TENM1: variants seen among roughly 807,000 people sequenced by gnomAD.
The protein encoded by TENM1 is teneurin transmembrane protein 1, also known as teneurin-1.
In TENM1, 35 loss-of-function variants were observed where a neutral mutation model predicts 174.8. The ratio of observed to expected loss-of-function variants is 0.20; its 90% CI spans 0.15 to 0.27. The LOEUF is 0.27. Ranked by LOEUF, TENM1 falls within the 10% of genes least tolerant of loss-of-function variation. TENM1 has a pLI of 1.00. For missense variants in TENM1, 1,633 were observed against 2,130.1 expected (o/e 0.77, Z 4.59); for synonymous variants, 781 against 798.7 (o/e 0.98, Z 0.37).
At chrX:124,466,342 G>GAAAAC (rs1046327850) in intron 22 of TENM1, among the ~76,000 whole-genome samples, 2 of 112,054 alleles carry the variant, frequency 1.8e-5, no homozygotes, top group African/African-American at 6.5e-5. Flanking sequence ...ATAAAGGAAT[G>GAAAAC]AAAACAAAAC....
At chrX:124,896,531 T>G (rs1273979094) in intron 1 of TENM1, among the ~76,000 whole-genome samples, 1 of 111,655 alleles carries the variant, frequency 9.0e-6, no homozygotes, top group East Asian at 2.8e-4. Context: ...AATAAGTGAG[T>G]GCAGAGGAGT....
the TENM1 span, among the ~76,000 whole-genome samples, chrX:125,188,156 G>T: frequency 9.0e-6 from 1 of 110,837 alleles, no homozygotes; most frequent in Non-Finnish European, 1.9e-5. Context: ...CAGAATGAAA[G>T]CCTGTCTCTA....
the TENM1 span, among the ~76,000 whole-genome samples, chrX:125,113,137 A>G: frequency 1.8e-5 from 2 of 111,932 alleles, no homozygotes; most frequent in African/African-American, 6.5e-5. Context: ...ATTCAATGAG[A>G]AAAAGATAAT....
chrX:124,886,409 C>T (rs2057384434), intron 3 of TENM1, among the ~76,000 whole-genome samples: 1 of 108,636 alleles, frequency 9.2e-6, no homozygotes, highest in Non-Finnish European at 1.9e-5. Flanking sequence ...GCATACCATA[C>T]ATTCACATTT....
At chrX:124,743,852 T>C (rs2148563672) in intron 3 of TENM1, among the ~76,000 whole-genome samples, 1 of 112,220 alleles carries the variant, frequency 8.9e-6, no homozygotes, top group African/African-American at 3.2e-5. Flanking sequence ...CTCTATAAGC[T>C]GATACTCATC....
chrX:125,180,916 A>G, the TENM1 span, among the ~76,000 whole-genome samples: 1,527 of 111,261 alleles, frequency 0.014, 31 homozygotes, highest in African/African-American at 0.047. Context: ...CCAAATTACC[A>G]TTCCCTATTC....
At chrX:125,190,587 A>G in the TENM1 span, among the ~76,000 whole-genome samples, 1 of 111,795 alleles carries the variant, frequency 8.9e-6, no homozygotes, top group East Asian at 2.8e-4. Flanking sequence ...GTCCTCTTCA[A>G]AATAAAGTCA....
chrX:124,377,582 T>C (rs1042709656), exon 32 of TENM1: 1 of 111,590 alleles, frequency 9.0e-6, no homozygotes, highest in Non-Finnish European at 1.9e-5. Context: ...CTCTAGACTG[T>C]AGTGCAAGAG....
chrX:124,976,916 G>A, the TENM1 span, among the ~76,000 whole-genome samples: 1 of 112,026 alleles, frequency 8.9e-6, no homozygotes, highest in African/African-American at 3.2e-5. Flanking sequence ...GAAGAACATA[G>A]CACAAATAGA....
At chrX:124,574,606 T>G (rs930316049) in intron 11 of TENM1, among the ~76,000 whole-genome samples, 6 of 111,107 alleles carry the variant, frequency 5.4e-5, no homozygotes, top group Non-Finnish European at 1.1e-4. Flanking sequence ...GAACAGAGAA[T>G]GAATGAGCCT....
intron 4 of TENM1, among the ~76,000 whole-genome samples, chrX:124,721,993 A>G (rs901684026): frequency 1.8e-5 from 2 of 112,358 alleles, no homozygotes; most frequent in African/African-American, 6.5e-5. Context: ...CAGACAAGAA[A>G]AAGTATTTAG....
intron 22 of TENM1, among the ~76,000 whole-genome samples, chrX:124,468,794 C>G (rs1159166090): frequency 8.9e-6 from 1 of 111,904 alleles, no homozygotes; most frequent in Non-Finnish European, 1.9e-5. Context: ...TATTTTACCA[C>G]AATAAAAACA....
At chrX:124,798,120 T>C (rs1369272733) in intron 3 of TENM1, among the ~76,000 whole-genome samples, 1 of 112,132 alleles carries the variant, frequency 8.9e-6, no homozygotes, top group Non-Finnish European at 1.9e-5. Flanking sequence ...GTTCCAAGTC[T>C]TTGCTATTGT....
the TENM1 span, among the ~76,000 whole-genome samples, chrX:125,029,103 G>A: frequency 5.4e-5 from 6 of 111,729 alleles, no homozygotes; most frequent in Non-Finnish European, 1.1e-4. Flanking sequence ...ACATTGAGTA[G>A]TGATGGCAGT....
rs138409448 is a variant in TENM1, at chrX:124,720,720, C to T, written c.777-15469G>A. Among the ~76,000 whole-genome samples, 619 of 112,168 alleles carry T rather than the reference C, an allele frequency of 5.5e-3. 7 individuals carry two copies. The highest frequency in any genetic ancestry group is 0.019 in the African/African-American group (589 of 30,882). On this transcript the variant is annotated intron_variant, in intron 4 of 31. Coordinates refer to ENST00000422452, the Ensembl canonical transcript of TENM1. ...ACAAAATTGTATCAAGCACCTATTG[C>T]GTAACAGGAAAAATGACTTCATAGA...
chrX:124,919,326 GATAA>G (rs1003769984), intron 1 of TENM1, among the ~76,000 whole-genome samples: 3 of 111,739 alleles, frequency 2.7e-5, no homozygotes, highest in Admixed American at 1.9e-4. Flanking sequence ...AAGACTACAG[GATAA>G]ATAAATTATG....
At chrX:125,053,522 G>C in the TENM1 span, among the ~76,000 whole-genome samples, 4 of 112,101 alleles carry the variant, frequency 3.6e-5, no homozygotes, top group Non-Finnish European at 7.5e-5. Context: ...TCCCCTACTA[G>C]TGGAAAAGGA....
At chrX:124,901,741 C>T (rs13328584) in intron 1 of TENM1, among the ~76,000 whole-genome samples, 3,125 of 111,316 alleles carry the variant, frequency 0.028, 99 homozygotes, top group African/African-American at 0.093. Context: ...CCACCATACC[C>T]GGCCAATTTC....
rs760258504 is a variant in TENM1, at chrX:124,806,489, A to G, written c.536-69292T>C. Among the ~76,000 whole-genome samples the G allele has an allele frequency of 8.0e-5, 9 of 112,240 alleles. No homozygotes were observed. In the South Asian group the frequency reaches 3.4e-3, roughly 42 times the overall value. ...AGGTTTCCAATCAGATTCAATCCAA[A>G]TAACACTACCTCATGACATATAATC... On this transcript the variant is annotated intron_variant, in intron 3 of 31. Coordinates refer to ENST00000422452, the Ensembl canonical transcript of TENM1.
Sources: allele counts gnomAD v4.1 joint callset (sites outside exome capture counted in the v4.1 genomes callset), GRCh38; gene constraint gnomAD v4.1.1; transcripts MANE v1.5; gene names NCBI Gene and HGNC (gene_info 2026-07-23, HGNC 2026-07-21).